FEM1C: variants seen among roughly 807,000 people sequenced by gnomAD.
FEM1C encodes fem-1 homolog C, also known as protein fem-1 homolog C.
FEM1C carries 15 observed loss-of-function variants against 37.6 expected under a neutral mutation model. The observed-to-expected ratio is 0.40, with a 90% CI of 0.27 to 0.61. The LOEUF (loss-of-function observed/expected upper bound fraction) is 0.61. FEM1C is among the 20% of genes least tolerant of loss of function. FEM1C has a pLI of 0.42. For missense variants in FEM1C, 532 were observed against 749.7 expected (o/e 0.71, Z 3.39); for synonymous variants, 287 against 272.8 (o/e 1.05, Z -0.51).
In FEM1C at chr5:115,525,247, T is replaced by C. The variant is rs1415237090; in HGVS notation, c.915A>G (p.Ala305=). The C allele has an allele frequency of 8.1e-6, 13 of 1,613,590 alleles. No individual in the cohort carries two copies. The highest frequency in any genetic ancestry group is 1.3e-5 in the African/African-American group (1 of 74,890). ...CAGCAATAAGACCTTCTAGCTCTTC[T>C]GCACTGTTCACTTCCTTGGCATAAT... The part of the protein sequence containing the change: ...AYDYAKEVNS[A]EELEGLIADP... The change falls in exon 3 of 3, where the codon GCA becomes GCG. Residue 305 remains alanine, a synonymous_variant. Transcript: ENST00000274457.
chr5:115,536,838 T>C (rs1174395826), intron 2 of FEM1C, among the ~76,000 whole-genome samples: 2 of 152,020 alleles, frequency 1.3e-5, no homozygotes, highest in Admixed American at 1.3e-4. Context: ...AGTTAAACGC[T>C]AAAAAATATC....
At position 115,523,907 on chromosome 5, in the gene FEM1C, G is replaced by C. The variant is rs965873538; in HGVS notation, c.*401C>G. 1 of 181,668 alleles carries C rather than the reference G, an allele frequency of 5.5e-6. No homozygotes were observed. Among genetic ancestry groups the C allele is most frequent in the African/African-American group, 2.4e-5 (1 of 41,494 alleles). 11.3% of individuals were successfully genotyped at this position (181,668 alleles called of 1,614,324 possible). On this transcript the variant is annotated 3_prime_UTR_variant, in exon 3 of 3. Transcript: ENST00000274457. ...AGGACAAACAATAAAGTAGAAACAG[G>C]GGGGAAACTTGAGAAGAGAAGAAAG...
chr5:115,524,179 G>A lies in FEM1C; in HGVS notation c.*129C>T. On this transcript the variant is annotated 3_prime_UTR_variant, in exon 3 of 3. Transcript: ENST00000274457. The stretch of plus-strand genomic sequence containing the variant: ...ATGTTGTAAATTTGATGCTTATAAT[G>A]CTTTAGCCAATGAGAGCACAATGAT... 2.9e-6 allele frequency: 2 copies of A among 689,348 alleles called. No homozygotes were observed. The highest frequency in any genetic ancestry group is 3.9e-5 in the South Asian group (2 of 50,692). 42.7% of individuals were successfully genotyped at this position (689,348 alleles called of 1,614,324 possible). A position where few individuals can be genotyped will look rare whatever the true frequency, so the allele number is the denominator to read the frequency against.
rs1753791964 is a variant in FEM1C at position 115,522,261 on chromosome 5, C to T, written c.*2047G>A. 1 of 151,854 alleles carries T rather than the reference C, an allele frequency of 6.6e-6. No homozygotes were observed. Among genetic ancestry groups the T allele is most frequent in the South Asian group, 2.1e-4 (1 of 4,828 alleles). The allele number at this position is 151,854 out of a possible 1,614,324, so 9.4% of individuals were successfully genotyped here. A position where few individuals can be genotyped will look rare whatever the true frequency, so the allele number is the denominator to read the frequency against. ...TCCTTTATAAAAATAATAGCTTATT[C>T]ATATATAATTCTTATACCACAAAGT... On this transcript the variant is annotated 3_prime_UTR_variant, in exon 3 of 3. Coordinates refer to ENST00000274457, the MANE Select transcript of FEM1C (RefSeq NM_020177.3).
intron 2 of FEM1C, among the ~76,000 whole-genome samples, chr5:115,531,125 C>T (rs1754006374): frequency 6.6e-6 from 1 of 152,010 alleles, no homozygotes; most frequent in Non-Finnish European, 1.5e-5. Context: ...AACATAAACT[C>T]CTGTCTCCCA....
rs33910606 is a variant in FEM1C, at chr5:115,543,811, A to AC, written c.-190-129dup. On this transcript the variant is annotated intron_variant, in intron 1 of 2. Coordinates refer to ENST00000274457, the MANE Select transcript of FEM1C (RefSeq NM_020177.3). ...CTTCAGGCACTACTCCATCCCACAC[A>AC]CCCCCCCCACCCCCAAAGAAAAGGT... The AC allele has an allele frequency of 4.5e-4, 452 of 1,008,118 alleles. 1 individual carries two copies. The highest frequency in any genetic ancestry group is 2.8e-3 in the South Asian group (72 of 25,710). The allele number at this position is 1,008,118 out of a possible 1,614,324, so 62.4% of individuals were successfully genotyped here.
At chr5:115,527,745 G>A (rs953350536) in intron 2 of FEM1C, among the ~76,000 whole-genome samples, 22 of 152,098 alleles carry the variant, frequency 1.4e-4, no homozygotes, top group African/African-American at 4.3e-4. Flanking sequence ...GCTCACGCCT[G>A]TAATCCCAGC....
intron 2 of FEM1C, among the ~76,000 whole-genome samples, chr5:115,530,547 C>T (rs750370035): frequency 6.6e-6 from 1 of 152,036 alleles, no homozygotes; most frequent in Admixed American, 6.6e-5. Context: ...AAGAACATGG[C>T]ACTCAACAAC....
chr5:115,528,985 G>A (rs1753962261), intron 2 of FEM1C, among the ~76,000 whole-genome samples: 6 of 151,986 alleles, frequency 3.9e-5, no homozygotes, highest in Admixed American at 3.3e-4. Context: ...AGGTAAATAC[G>A]ATGAAAATAT....
intron 2 of FEM1C, among the ~76,000 whole-genome samples, chr5:115,535,197 C>T (rs984355311): frequency 2.0e-5 from 3 of 148,190 alleles, no homozygotes; most frequent in Non-Finnish European, 4.5e-5. Context: ...TTAAGTAAGA[C>T]ATTATATAAG....
rs745805350 is a variant in FEM1C at position 115,543,281 on chromosome 5, C to T, written c.213G>A (p.Gly71=). The change falls in exon 2 of 3, where the codon GGG becomes GGA. Residue 71 remains glycine, a synonymous_variant. Transcript: ENST00000274457. ...TTTCGCCATCAAAATTGACGGAGCCCCCAACTTCTATGGAGGCACTGCATT... is the reference window on the plus strand; with the variant it reads ...TTTCGCCATCAAAATTGACGGAGCCTCCAACTTCTATGGAGGCACTGCATT... The part of the protein sequence containing the change: ...LEQCSASIEV[G]GSVNFDGETI... 2.5e-6 allele frequency: 4 copies of T among 1,614,038 alleles called. No individual in the cohort carries two copies. The African/African-American group carries it at 4.0e-5, about 16-fold the overall frequency.
chr5:115,535,436 T>G (rs1011810970), intron 2 of FEM1C, among the ~76,000 whole-genome samples: 1 of 151,324 alleles, frequency 6.6e-6, no homozygotes, highest in African/African-American at 2.4e-5. Context: ...ATGAAGAAAC[T>G]CCTCCAAAGA....
At chr5:115,542,249 A>G (rs1277280495) in intron 2 of FEM1C, among the ~76,000 whole-genome samples, 1 of 152,194 alleles carries the variant, frequency 6.6e-6, no homozygotes, top group Non-Finnish European at 1.5e-5. Flanking sequence ...CTTCTGGACA[A>G]AGGTGTTTAC....
At chr5:115,531,497 T>G (rs1297623599) in intron 2 of FEM1C, among the ~76,000 whole-genome samples, 1 of 152,172 alleles carries the variant, frequency 6.6e-6, no homozygotes, top group Non-Finnish European at 1.5e-5. Flanking sequence ...CTCTTTAGCT[T>G]CATTTCTCAT....
intron 2 of FEM1C, among the ~76,000 whole-genome samples, chr5:115,532,889 G>A (rs1392326457): frequency 1.3e-5 from 2 of 152,050 alleles, no homozygotes; most frequent in Admixed American, 1.3e-4. Flanking sequence ...TAACAGAGCA[G>A]TGATTGGCAA....
chr5:115,543,734 C>CA, intron 1 of FEM1C, 51 bp from the exon 2 acceptor site: 1 of 1,306,326 alleles, frequency 7.7e-7, no homozygotes, highest in South Asian at 2.1e-5. Flanking sequence ...TAGAAGAAGG[C>CA]AAAACACTTC....
chr5:115,524,299 G>A lies in FEM1C; in HGVS notation c.*9C>T. ...CGTGCTTTAACAGTGCTAAAATACA[G>A]TCAAGTTATCATCTATGAAGGGAAA... On this transcript the variant is annotated 3_prime_UTR_variant, in exon 3 of 3. Transcript: ENST00000274457. 6.2e-7 allele frequency: 1 copy of A among 1,610,164 alleles called. No individual in the cohort carries two copies. The highest frequency in any genetic ancestry group is 8.5e-7 in the Non-Finnish European group (1 of 1,177,114).
intron 2 of FEM1C, among the ~76,000 whole-genome samples, chr5:115,529,108 A>G (rs1753965809): frequency 6.6e-6 from 1 of 152,116 alleles, no homozygotes; most frequent in African/African-American, 2.4e-5. Context: ...CTAGAGCAAA[A>G]AAATGGGTCC....
In FEM1C at chr5:115,525,142, A is replaced by G. The variant is rs1292654916; in HGVS notation, c.1020T>C (p.Tyr340=). 1 of 1,613,776 alleles carries G rather than the reference A, an allele frequency of 6.2e-7. No homozygotes were observed. The highest frequency in any genetic ancestry group is 1.7e-5 in the Admixed American group (1 of 59,966). Residue 340 remains tyrosine (Y), a synonymous_variant, in exon 3 of 3, where the codon TAT becomes TAC. Transcript: ENST00000274457. ...CATAGACAGCGCCTCTATATCTAAT[A>G]TAGTAAGAGGTATCAGGATGAGAAG... ...LGPSHPDTSY[Y]IRYRGAVYAD...
Sources: allele counts gnomAD v4.1 joint callset (sites outside exome capture counted in the v4.1 genomes callset), GRCh38; gene constraint gnomAD v4.1.1; transcripts MANE v1.5; gene names NCBI Gene and HGNC (gene_info 2026-07-23, HGNC 2026-07-21).